Variants in PARD3B observed in about 807,000 individuals in gnomAD.
The protein encoded by PARD3B is par-3 family cell polarity regulator beta, also known as partitioning defective 3 homolog B.
A neutral mutation model predicts 130.2 loss-of-function variants in PARD3B; 103 were observed. The ratio of observed to expected loss-of-function variants is 0.79; its 90% CI spans 0.67 to 0.93. The LOEUF is 0.93. Ranked by LOEUF, PARD3B falls within the 40% of genes least tolerant of loss-of-function variation. PARD3B has a pLI of 0.00. For synonymous variants in PARD3B, 583 were observed against 553.2 expected (o/e 1.05, Z -0.76); for missense variants, 1,609 against 1,499.2 (o/e 1.07, Z -1.21).
At chr2:205,338,491 T>G (rs2043400406) in intron 18 of PARD3B, among the ~76,000 whole-genome samples, 1 of 152,226 alleles carries the variant, frequency 6.6e-6, no homozygotes, top group Non-Finnish European at 1.5e-5. Flanking sequence ...TAATACATAA[T>G]GTAACTTCTC....
At chr2:204,753,344 A>C in intron 2 of PARD3B, among the ~76,000 whole-genome samples, 1 of 152,306 alleles carries the variant, frequency 6.6e-6, no homozygotes, top group South Asian at 2.1e-4. Context: ...ATGTGTTGAA[A>C]GATTTCTATT....
At chr2:204,558,655 C>T (rs566809982) in intron 1 of PARD3B, among the ~76,000 whole-genome samples, 28 of 152,304 alleles carry the variant, frequency 1.8e-4, no homozygotes, top group African/African-American at 6.5e-4. Context: ...CCCCATCAAG[C>T]TACCAATGAC....
intron 2 of PARD3B, among the ~76,000 whole-genome samples, chr2:204,841,156 GCTT>G (rs1437902844): frequency 6.6e-6 from 1 of 152,038 alleles, no homozygotes; most frequent in African/African-American, 2.4e-5. Context: ...TTTTCTGCTT[GCTT>G]CTTCTTATCT....
intron 10 of PARD3B, among the ~76,000 whole-genome samples, chr2:205,149,583 G>C (rs2033605594): frequency 6.6e-6 from 1 of 152,086 alleles, no homozygotes; most frequent in Non-Finnish European, 1.5e-5. Context: ...TGAACCTGTG[G>C]ATCTAACACT....
intron 19 of PARD3B, among the ~76,000 whole-genome samples, chr2:205,413,378 T>C (rs534103144): frequency 6.6e-6 from 1 of 152,304 alleles, no homozygotes; most frequent in South Asian, 2.1e-4. Context: ...GAGGATGATA[T>C]TGTAATCATT....
At chr2:205,597,508 G>T (rs1272993746) in intron 22 of PARD3B, among the ~76,000 whole-genome samples, 1 of 152,110 alleles carries the variant, frequency 6.6e-6, no homozygotes. Flanking sequence ...GTGTCTTTTT[G>T]GTTGAATGAT....
chr2:205,536,964 C>T (rs563022920), intron 21 of PARD3B, among the ~76,000 whole-genome samples: 1 of 152,254 alleles, frequency 6.6e-6, no homozygotes, highest in African/African-American at 2.4e-5. Flanking sequence ...ATCAACTCCC[C>T]CTGGGAAATT....
intron 1 of PARD3B, among the ~76,000 whole-genome samples, chr2:204,549,675 T>C (rs2030299588): frequency 6.6e-6 from 1 of 152,174 alleles, no homozygotes; most frequent in African/African-American, 2.4e-5. Context: ...ATGGCTGAAC[T>C]CATTGGATTT....
chr2:205,450,314 A>G (rs1316888870), intron 20 of PARD3B, among the ~76,000 whole-genome samples: 2 of 152,074 alleles, frequency 1.3e-5, no homozygotes, highest in Admixed American at 6.6e-5. Context: ...GTTGGAGTCC[A>G]TCTGTTCCAG....
At chr2:205,208,642 C>T (rs976778827) in intron 15 of PARD3B, among the ~76,000 whole-genome samples, 3 of 143,120 alleles carry the variant, frequency 2.1e-5, no homozygotes, top group South Asian at 2.2e-4. Flanking sequence ...GAATAAAATA[C>T]CTAGGAATCC....
intron 18 of PARD3B, among the ~76,000 whole-genome samples, chr2:205,330,245 G>A (rs916868165): frequency 1.3e-5 from 2 of 151,950 alleles, no homozygotes; most frequent in Non-Finnish European, 2.9e-5. Context: ...GGAGGCTGAG[G>A]GAGGAGAATC....
intron 2 of PARD3B, among the ~76,000 whole-genome samples, chr2:204,698,733 G>A (rs1321294191): frequency 6.6e-6 from 1 of 151,958 alleles, no homozygotes; most frequent in East Asian, 1.9e-4. Context: ...TAAAGTATAA[G>A]TGGTTACGTC....
chr2:205,228,671 T>A (rs1271769275), intron 15 of PARD3B, among the ~76,000 whole-genome samples: 1 of 152,162 alleles, frequency 6.6e-6, no homozygotes, highest in African/African-American at 2.4e-5. Flanking sequence ...AGTAAAAAAA[T>A]TTACCCTTTG....
chr2:205,586,560 TC>T, intron 22 of PARD3B, among the ~76,000 whole-genome samples: 1 of 152,134 alleles, frequency 6.6e-6, no homozygotes, highest in East Asian at 1.9e-4. Context: ...ATGTTCTGTC[TC>T]CTGTTTTTAG....
chr2:205,410,835 A>G (rs995280043), intron 19 of PARD3B, among the ~76,000 whole-genome samples: 1 of 152,154 alleles, frequency 6.6e-6, no homozygotes, highest in African/African-American at 2.4e-5. Context: ...ATAGGTTGGC[A>G]AACTCTATAT....
chr2:205,485,599 C>T (rs2049407719), intron 20 of PARD3B, among the ~76,000 whole-genome samples: 1 of 152,152 alleles, frequency 6.6e-6, no homozygotes, highest in African/African-American at 2.4e-5. Flanking sequence ...TGATATGAAG[C>T]AGAACTCTGA....
chr2:205,325,412 T>C lies in PARD3B; in HGVS notation c.2630+23711T>C, dbSNP rs1476255142. Among the ~76,000 whole-genome samples, 1 of 152,166 alleles carries C rather than the reference T, an allele frequency of 6.6e-6. No individual in the cohort carries two copies. The highest frequency in any genetic ancestry group is 1.5e-5 in the Non-Finnish European group (1 of 68,034). On this transcript the variant is annotated intron_variant, in intron 18 of 22. Transcript: ENST00000406610. This position sits in a 1 kb window ranked among gnomAD's most constrained non-coding sequence, Gnocchi z 4.1. ...AATCCACACTAACCCCGTGGTCAAC[T>C]CTTAGTGATGCTTAAATGCTGGGTT...
chr2:205,322,633 T>A (rs1265194420), intron 18 of PARD3B, among the ~76,000 whole-genome samples: 1 of 152,150 alleles, frequency 6.6e-6, no homozygotes, highest in Non-Finnish European at 1.5e-5. Context: ...CTGGAGATAG[T>A]TTGATTCTGG....
At chr2:205,112,814 T>C (rs1298681237) in intron 5 of PARD3B, among the ~76,000 whole-genome samples, 5 of 152,142 alleles carry the variant, frequency 3.3e-5, no homozygotes, top group African/African-American at 1.2e-4. Flanking sequence ...GGTCAGGCTT[T>C]CTATTTCTTT....
Sources: gnomAD v4.1 joint callset for allele counts (sites outside exome capture counted in the v4.1 genomes callset) on GRCh38, gnomAD v4.1.1 for gene constraint, Gnocchi (gnomAD v3.1) non-coding constraint, MANE v1.5 for transcripts, NCBI Gene and HGNC (gene_info 2026-07-23, HGNC 2026-07-21) for gene names.